The following RBM27 variants were observed in gnomAD, a reference collection of about 807,000 sequenced individuals.
RBM27 encodes RNA-binding protein 27.
RBM27 carries 22 observed loss-of-function variants against 135.3 expected under a neutral mutation model. The observed-to-expected ratio is 0.16, with a 90% CI of 0.12 to 0.23. The LOEUF is 0.23. Ranked by LOEUF, RBM27 falls within the 10% of genes least tolerant of loss-of-function variation. RBM27 has a pLI of 1.00. For missense variants in RBM27, 1,009 were observed against 1,281.0 expected (o/e 0.79, Z 3.24); for synonymous variants, 481 against 442.4 (o/e 1.09, Z -1.10).
intron 1 of RBM27, among the ~76,000 whole-genome samples, chr5:146,213,096 A>AT (rs200901286): frequency 2.7e-5 from 4 of 150,712 alleles, no homozygotes; most frequent in African/African-American, 4.9e-5. Flanking sequence ...GAGAATATGG[A>AT]TTTTTTTTGT....
chr5:146,261,039 A>T, intron 12 of RBM27, 141 bp downstream of exon 12: 1 of 794,254 alleles, frequency 1.3e-6, no homozygotes, highest in Non-Finnish European at 2.0e-6. Flanking sequence ...ATATATCTAT[A>T]TACCCACTTT....
In RBM27 at chr5:146,288,033, C is replaced by T. The variant is rs1485458330; in HGVS notation, c.*2003C>T. On this transcript the variant is annotated 3_prime_UTR_variant, in exon 21 of 21. Coordinates refer to ENST00000265271, the MANE Select transcript of RBM27 (RefSeq NM_018989.2). ...TTTTTGTACAAAGTTTTTTCTTAAA[C>T]TGTATAATTTTGTAAATAATTTGTT... 6.6e-6 allele frequency: 1 copy of T among 150,894 alleles called. No individual in the cohort carries two copies. Among genetic ancestry groups the T allele is most frequent in the African/African-American group, 2.4e-5 (1 of 41,138 alleles). The allele number at this position is 150,894 out of a possible 1,614,324, so 9.3% of individuals were successfully genotyped here.
At chr5:146,272,626 G>A (rs1248057964) in intron 19 of RBM27, among the ~76,000 whole-genome samples, 1 of 152,000 alleles carries the variant, frequency 6.6e-6, no homozygotes, top group East Asian at 1.9e-4. Context: ...GGAAGCTGAG[G>A]CAGGAGAATT....
At chr5:146,277,996 T>C (rs891636202) in intron 19 of RBM27, among the ~76,000 whole-genome samples, 11 of 152,146 alleles carry the variant, frequency 7.2e-5, no homozygotes, top group African/African-American at 2.2e-4. Context: ...GGTAAATTCC[T>C]AGGAAGGAGA....
intron 19 of RBM27, among the ~76,000 whole-genome samples, chr5:146,274,363 T>G (rs989175467): frequency 2.6e-5 from 4 of 152,114 alleles, no homozygotes; most frequent in Admixed American, 1.3e-4. Flanking sequence ...TTCAAGCGAT[T>G]CTCGTGCCTC....
chr5:146,262,292 T>TTTC (rs35361860), intron 13 of RBM27, among the ~76,000 whole-genome samples: 2 of 151,814 alleles, frequency 1.3e-5, no homozygotes, highest in African/African-American at 2.4e-5. Context: ...AGCTATTTAT[T>TTTC]TTTTAGAATC....
chr5:146,271,630 GGAT>G lies in RBM27; in HGVS notation c.2945_2947del (p.Gly982_Phe983delinsVal). Reference sequence around the variant, plus strand: ...TCGTCCCAAAGCACTAACAGTTGGAGGATTCATTGAGGAAGAAAAAGAAGACTT... The same window carrying G: ...TCGTCCCAAAGCACTAACAGTTGGAGTCATTGAGGAAGAAAAAGAAGACTT... On this transcript the variant is annotated inframe_deletion, in exon 19 of 21. Coordinates refer to ENST00000265271, the MANE Select transcript of RBM27 (RefSeq NM_018989.2). 1 of 1,613,872 alleles carries G rather than the reference GGAT, an allele frequency of 6.2e-7. No individual in the cohort carries two copies. The highest frequency in any genetic ancestry group is 8.5e-7 in the Non-Finnish European group (1 of 1,179,928).
intron 1 of RBM27, among the ~76,000 whole-genome samples, chr5:146,207,407 G>C (rs752863710): frequency 6.6e-6 from 1 of 151,616 alleles, no homozygotes; most frequent in African/African-American, 2.4e-5. Flanking sequence ...GTAGAGAGGG[G>C]GTTTCACTTT....
At chr5:146,249,153 T>A (rs1227370832) in intron 8 of RBM27, among the ~76,000 whole-genome samples, 3 of 151,852 alleles carry the variant, frequency 2.0e-5, no homozygotes, top group Non-Finnish European at 2.9e-5. Context: ...GGCTAATTTT[T>A]AAAATATTTA....
chr5:146,225,700 G>A (rs954921167), intron 3 of RBM27, among the ~76,000 whole-genome samples: 1 of 151,962 alleles, frequency 6.6e-6, no homozygotes, highest in African/African-American at 2.4e-5. Context: ...TAAGTAGCTG[G>A]GATTACAGGC....
At position 146,233,638 on chromosome 5, in the gene RBM27, C is replaced by T; in HGVS notation, c.1039C>T (p.Pro347Ser). 4 of 1,575,836 alleles carry T rather than the reference C, an allele frequency of 2.5e-6. No homozygotes were observed. In the South Asian group the frequency reaches 3.5e-5, roughly 14 times the overall value. ...TCCAGGCCCAGGCCCGGGCCCAGGT[C>T]CAGGCCCAGGCCCGGGCCCAGGTCC... is the stretch of plus-strand genomic sequence containing the variant. Reference protein sequence around the residue: ...PGPGPGPGPGPGPGPGPGPGP... With the variant: ...PGPGPGPGPGSGPGPGPGPGP... The change falls in exon 7 of 21, where the codon CCA (proline) becomes TCA (serine). Residue 347 changes from proline (P) to serine (S), a missense_variant. Around this residue, in one of 6 missense-constraint regions of RBM27, gnomAD observed 329 missense variants for 368.1 expected, o/e 0.89. Transcript: ENST00000265271.
chr5:146,233,228 C>T (rs1253590408), intron 6 of RBM27, among the ~76,000 whole-genome samples: 1 of 152,128 alleles, frequency 6.6e-6, no homozygotes, highest in Non-Finnish European at 1.5e-5. Flanking sequence ...CTTTTATTTG[C>T]TTTCTCAACA....
In RBM27 at chr5:146,257,885, C is replaced by T. The variant is rs557170622; in HGVS notation, c.1595-564C>T. Among the ~76,000 whole-genome samples, 172 of 151,636 alleles carry T rather than the reference C, an allele frequency of 1.1e-3. 1 individual carries two copies. The highest frequency in any genetic ancestry group is 1.1e-3 in the Admixed American group (17 of 15,218). On this transcript the variant is annotated intron_variant, in intron 10 of 20. Transcript: ENST00000265271. Reference sequence around the variant, plus strand: ...AGGCTGGAGTGCAATGGCACAATCTCGGCTCACCACAACCTCCGTCTCCTG... The same window carrying T: ...AGGCTGGAGTGCAATGGCACAATCTTGGCTCACCACAACCTCCGTCTCCTG...
chr5:146,237,845 G>C (rs1487576967), intron 8 of RBM27, among the ~76,000 whole-genome samples: 1 of 152,052 alleles, frequency 6.6e-6, no homozygotes, highest in African/African-American at 2.4e-5. Context: ...GTGCCACCAT[G>C]CCCAGCTAAT....
chr5:146,255,652 C>G (rs1390237287), intron 10 of RBM27, among the ~76,000 whole-genome samples: 2 of 152,080 alleles, frequency 1.3e-5, no homozygotes, highest in Non-Finnish European at 2.9e-5. Flanking sequence ...CTGATAACCT[C>G]CTACCTACTC....
At chr5:146,265,679 T>G (rs1420861328) in intron 14 of RBM27, among the ~76,000 whole-genome samples, 1 of 152,216 alleles carries the variant, frequency 6.6e-6, no homozygotes, top group African/African-American at 2.4e-5. Context: ...TAATGTGATA[T>G]ACCCTGAGGA....
At chr5:146,221,095 C>T (rs1426042060) in intron 2 of RBM27, among the ~76,000 whole-genome samples, 2 of 151,264 alleles carry the variant, frequency 1.3e-5, no homozygotes, top group Non-Finnish European at 2.9e-5. Context: ...GTGGTGGGCG[C>T]CTGTAGTCCC....
intron 13 of RBM27, among the ~76,000 whole-genome samples, chr5:146,263,027 G>C (rs1338200790): frequency 6.6e-6 from 1 of 151,922 alleles, no homozygotes; most frequent in East Asian, 1.9e-4. Context: ...GCGACTACAG[G>C]TGCATGCCAC....
intron 3 of RBM27, among the ~76,000 whole-genome samples, chr5:146,227,909 C>G (rs114356519): frequency 0.016 from 2,386 of 152,238 alleles, 24 homozygotes; most frequent in Middle Eastern, 0.044. Flanking sequence ...ATTGATTTAA[C>G]CATTTTTTCC....
Sources: allele counts gnomAD v4.1 joint callset (sites outside exome capture counted in the v4.1 genomes callset), GRCh38; gene constraint gnomAD v4.1.1; regional missense constraint gnomAD v4.1.1; transcripts MANE v1.5; gene names NCBI Gene and HGNC (gene_info 2026-07-23, HGNC 2026-07-21).